The following EEA1 variants were observed in gnomAD, a reference collection of about 807,000 sequenced individuals.
EEA1 encodes the protein early endosome antigen 1, 162kD.
In EEA1, 111 loss-of-function variants were observed where a neutral mutation model predicts 209.2. The ratio of observed to expected loss-of-function variants is 0.53; its 90% CI spans 0.45 to 0.62. The LOEUF (loss-of-function observed/expected upper bound fraction) is 0.62. Among genes scored for constraint, EEA1 ranks in the 20% least tolerant of loss-of-function variants. EEA1 has a pLI of 0.00. For missense variants in EEA1, 1,343 were observed against 1,530.8 expected, an observed-to-expected ratio of 0.88 and a Z score of 2.05; for synonymous variants, 536 against 540.6, an observed-to-expected ratio of 0.99 and a Z score of 0.12.
chr12:92,880,107 G>A (rs756625442), intron 2 of EEA1, among the ~76,000 whole-genome samples: 3 of 152,148 alleles, frequency 2.0e-5, no homozygotes, highest in Non-Finnish European at 4.4e-5. Context: ...ACTCCCCTAG[G>A]CTGTAAACAT....
intron 21 of EEA1, among the ~76,000 whole-genome samples, chr12:92,796,827 G>A (rs1206576020): frequency 6.6e-6 from 1 of 152,084 alleles, no homozygotes; most frequent in Non-Finnish European, 1.5e-5. Context: ...CATTGTATGA[G>A]TCACAGTACT....
At chr12:92,812,330 TAA>T (rs569991895) in intron 16 of EEA1, among the ~76,000 whole-genome samples, 1 of 139,386 alleles carries the variant, frequency 7.2e-6, no homozygotes, top group Admixed American at 7.2e-5. Context: ...AAACTCCATC[TAA>T]AAAAAAAAAA....
At chr12:92,869,907 A>G (rs1011926295) in intron 2 of EEA1, among the ~76,000 whole-genome samples, 2 of 152,116 alleles carry the variant, frequency 1.3e-5, no homozygotes, top group Non-Finnish European at 2.9e-5. Context: ...TAAAATGCTA[A>G]CCAGATTTTC....
intron 21 of EEA1, among the ~76,000 whole-genome samples, chr12:92,796,048 C>T (rs1458880543): frequency 1.3e-5 from 2 of 151,454 alleles, no homozygotes; most frequent in Non-Finnish European, 2.9e-5. Flanking sequence ...AATTCTCTGT[C>T]TTTGAGGAAC....
chr12:92,922,762 G>A (rs1233800127), intron 1 of EEA1, among the ~76,000 whole-genome samples: 2 of 151,838 alleles, frequency 1.3e-5, no homozygotes, highest in East Asian at 3.9e-4. Flanking sequence ...AGACCAGCCT[G>A]GCCAACATAG....
At chr12:92,909,836 G>C (rs900017593) in intron 1 of EEA1, among the ~76,000 whole-genome samples, 2 of 152,118 alleles carry the variant, frequency 1.3e-5, no homozygotes, top group Non-Finnish European at 2.9e-5. Context: ...GGGCAACATG[G>C]TGAGACCCCG....
intron 1 of EEA1, among the ~76,000 whole-genome samples, chr12:92,902,604 G>A (rs1880197389): frequency 6.6e-6 from 1 of 152,090 alleles, no homozygotes. Context: ...AGCTGGGTGT[G>A]GTGGCGGGCG....
chr12:92,834,514 C>T (rs1344371816), intron 10 of EEA1, among the ~76,000 whole-genome samples: 1 of 136,988 alleles, frequency 7.3e-6, no homozygotes, highest in East Asian at 2.1e-4. Flanking sequence ...CACTGCACTC[C>T]AGCCTGGGCA....
chr12:92,860,901 CA>C (rs1323389533), intron 3 of EEA1, among the ~76,000 whole-genome samples: 1 of 137,486 alleles, frequency 7.3e-6, no homozygotes, highest in Non-Finnish European at 1.6e-5. Context: ...AAAAAGAAGA[CA>C]AAGAAGAAGA....
chr12:92,770,994 T>C lies in EEA1; in HGVS notation c.*5017A>G, dbSNP rs1873407625. 2 of 87,020 alleles carry C rather than the reference T, an allele frequency of 2.3e-5. No individual in the cohort carries two copies. The highest frequency in any genetic ancestry group is 1.4e-4 in the Admixed American group (1 of 7,170). 5.4% of individuals were successfully genotyped at this position (87,020 alleles called of 1,614,324 possible). Reference sequence around the variant, plus strand: ...CCATAAAAATACTTTCTGGTTTTGATTGGTGTGTGTGTGTGTGTGTGTGTG... The same window carrying C: ...CCATAAAAATACTTTCTGGTTTTGACTGGTGTGTGTGTGTGTGTGTGTGTG... On this transcript the variant is annotated 3_prime_UTR_variant, in exon 29 of 29. Coordinates refer to ENST00000322349, the MANE Select transcript of EEA1 (RefSeq NM_003566.4).
intron 28 of EEA1, 35 bp downstream of exon 28, chr12:92,776,809 T>TCC (rs749224935): frequency 3.8e-6 from 6 of 1,562,108 alleles, no homozygotes; most frequent in Middle Eastern, 3.3e-4. Flanking sequence ...ACAAATGAAA[T>TCC]CCAGAAACAT....
chr12:92,842,071 A>G (rs1358819545), intron 10 of EEA1, among the ~76,000 whole-genome samples: 1 of 152,204 alleles, frequency 6.6e-6, no homozygotes, highest in Non-Finnish European at 1.5e-5. Flanking sequence ...CCTTGAGGAC[A>G]CTATAAGTCA....
intron 11 of EEA1, 143 bp downstream of exon 11, chr12:92,832,369 C>T: frequency 1.3e-6 from 1 of 751,186 alleles, no homozygotes. Flanking sequence ...TCTGACAACA[C>T]TACAGGATAT....
intron 2 of EEA1, among the ~76,000 whole-genome samples, chr12:92,870,504 G>T (rs907593769): frequency 2.0e-5 from 3 of 151,956 alleles, no homozygotes; most frequent in African/African-American, 7.3e-5. Context: ...AAATATTTTC[G>T]GACTGATCCA....
intron 23 of EEA1, among the ~76,000 whole-genome samples, chr12:92,781,337 A>G (rs10507018): frequency 0.096 from 14,663 of 152,254 alleles, 824 homozygotes; most frequent in South Asian, 0.19. Context: ...ACCATTTAGA[A>G]TTTACCAAGA....
chr12:92,802,308 TG>T, intron 19 of EEA1, 95 bp downstream of exon 19: 1 of 1,140,452 alleles, frequency 8.8e-7, no homozygotes, highest in Non-Finnish European at 1.2e-6. Context: ...TATTTAAATG[TG>T]GAAAGAAAAG....
At position 92,907,588 on chromosome 12, in the gene EEA1, G is replaced by A. The variant is rs538027957; in HGVS notation, c.25-15867C>T. Among the ~76,000 whole-genome samples the A allele has an allele frequency of 8.8e-4, 134 of 152,076 alleles. 2 individuals are homozygous for A. In the South Asian group the frequency reaches 0.02, roughly 23 times the overall value. On this transcript the variant is annotated intron_variant, in intron 1 of 28. Coordinates refer to ENST00000322349, the MANE Select transcript of EEA1 (RefSeq NM_003566.4). ...TTCATGTTGCAATCATCTCTCACCT[G>A]GACGATAAAAGAGACCTAATATAGC... is the stretch of plus-strand genomic sequence containing the variant.
intron 7 of EEA1, 43 bp downstream of exon 7, chr12:92,852,867 GTA>G: frequency 7.2e-7 from 1 of 1,384,634 alleles, no homozygotes; most frequent in Non-Finnish European, 1.0e-6. Flanking sequence ...TGGCAAAAAG[GTA>G]ATGAGATTGA....
intron 1 of EEA1, among the ~76,000 whole-genome samples, chr12:92,917,491 G>A (rs978059559): frequency 3.3e-5 from 5 of 150,236 alleles, no homozygotes; most frequent in South Asian, 4.2e-4. Context: ...ATCCAGCCAA[G>A]CTAAGCTTCA....
Sources: gnomAD v4.1 joint callset for allele counts (sites outside exome capture counted in the v4.1 genomes callset) on GRCh38, gnomAD v4.1.1 for gene constraint, MANE v1.5 for transcripts, NCBI Gene and HGNC (gene_info 2026-07-23, HGNC 2026-07-21) for gene names.